The following NUP58 variants were observed in gnomAD, a reference collection of about 807,000 sequenced individuals.
The protein encoded by NUP58 is nucleoporin 58, also known as nucleoporin p58/p45.
In NUP58, 17 loss-of-function variants were observed where a neutral mutation model predicts 70.1. The observed-to-expected ratio is 0.24, with a 90% CI of 0.17 to 0.36. The LOEUF is 0.36. Among genes scored for constraint, NUP58 ranks in the 10% least tolerant of loss-of-function variants. NUP58 has a pLI of 1.00. For missense variants in NUP58, 644 were observed against 701.5 expected (o/e 0.92, Z 0.93); for synonymous variants, 275 against 257.6 (o/e 1.07, Z -0.65).
In NUP58 at chr13:25,339,951, TCCCTAAACA is replaced by T; in HGVS notation, c.1631-13_1631-5del. On this transcript the variant is annotated splice_region_variant and splice_polypyrimidine_tract_variant and intron_variant, in intron 15 of 15. Transcript: ENST00000381736. ...TCAACTTCTGATATGAATATTTTTT[TCCCTAAACA>T]TAAGGCTTTGGCAGCTCAAGTACAT... The T allele has an allele frequency of 6.4e-7, 1 of 1,550,416 alleles. No homozygotes were observed. The highest frequency in any genetic ancestry group is 8.7e-7 in the Non-Finnish European group (1 of 1,153,276).
intron 3 of NUP58, among the ~76,000 whole-genome samples, chr13:25,310,689 A>G (rs1463194080): frequency 6.6e-6 from 1 of 152,044 alleles, no homozygotes; most frequent in Non-Finnish European, 1.5e-5. Flanking sequence ...TTGTAACCCC[A>G]TACGTGATTT....
intron 1 of NUP58, among the ~76,000 whole-genome samples, 189 bp from the exon 2 acceptor site, chr13:25,307,617 A>T (rs2137719918): frequency 6.6e-6 from 1 of 152,294 alleles, no homozygotes; most frequent in South Asian, 2.1e-4. Context: ...GAACAGAAAC[A>T]TATTTGAACT....
rs767697735 is a variant in NUP58 at position 25,327,413 on chromosome 13, G to A, written c.1151-17G>A. ...TATATGTATATATTTGGGTGATAAT[G>A]TAATTTTCTTTTATAGATTTGTCAA... On this transcript the variant is annotated splice_polypyrimidine_tract_variant and intron_variant, in intron 11 of 15. Coordinates refer to ENST00000381736, the MANE Select transcript of NUP58 (RefSeq NM_014089.4). The A allele has an allele frequency of 1.3e-6, 2 of 1,518,350 alleles. No individual in the cohort carries two copies. Among genetic ancestry groups the A allele is most frequent in the Non-Finnish European group, 1.8e-6 (2 of 1,097,440 alleles). 94.1% of individuals were successfully genotyped at this position (1,518,350 alleles called of 1,614,324 possible). A position where few individuals can be genotyped will look rare whatever the true frequency, so the allele number is the denominator to read the frequency against.
chr13:25,343,259 A>G (rs1304194363), downstream of NUP58, among the ~76,000 whole-genome samples: 2 of 151,604 alleles, frequency 1.3e-5, no homozygotes, highest in African/African-American at 4.8e-5. Flanking sequence ...CACTTAGAGA[A>G]CATAGGATGT....
At chr13:25,326,642 T>C (rs911510443) in intron 10 of NUP58, among the ~76,000 whole-genome samples, 1 of 152,308 alleles carries the variant, frequency 6.6e-6, no homozygotes, top group Non-Finnish European at 1.5e-5. Flanking sequence ...GAAACTAAAA[T>C]TGTTACAATA....
At chr13:25,315,810 A>G (rs1373824745) in intron 6 of NUP58, among the ~76,000 whole-genome samples, 3 of 152,182 alleles carry the variant, frequency 2.0e-5, no homozygotes, top group Non-Finnish European at 4.4e-5. Context: ...GGGAAGTAAA[A>G]CACTGGGCAT....
In NUP58 at chr13:25,331,385, G is replaced by A. The variant is rs1253026599; in HGVS notation, c.1262G>A (p.Arg421Lys). The change falls in exon 13 of 16, where the codon AGG becomes AAG. Residue 421 changes from arginine (R) to lysine (K), a missense_variant. Transcript: ENST00000381736. Reference sequence around the variant, plus strand: ...CTGAAAGAACAGTACCTTGGCTACAGGAAAATGTTCTTGGGAGATGCTGTT... The same window carrying A: ...CTGAAAGAACAGTACCTTGGCTACAAGAAAATGTTCTTGGGAGATGCTGTT... The part of the protein sequence containing the change: ...KVLKEQYLGY[R>K]KMFLGDAVDV... The A allele has an allele frequency of 6.2e-7, 1 of 1,614,000 alleles. No individual in the cohort carries two copies. Among genetic ancestry groups the A allele is most frequent in the East Asian group, 2.2e-5 (1 of 44,886 alleles).
intron 3 of NUP58, among the ~76,000 whole-genome samples, chr13:25,309,741 G>T (rs2030557971): frequency 6.6e-6 from 1 of 152,130 alleles, no homozygotes; most frequent in Admixed American, 6.6e-5. Flanking sequence ...AAGGGAATGT[G>T]AATAACTAGG....
chr13:25,335,644 G>A, intron 13 of NUP58: 1 of 984,912 alleles, frequency 1.0e-6, no homozygotes, highest in East Asian at 1.1e-4. Flanking sequence ...TTGTTTTCTG[G>A]GTTAGAAGCT....
chr13:25,330,591 G>A (rs2031566865), intron 12 of NUP58, among the ~76,000 whole-genome samples: 1 of 152,162 alleles, frequency 6.6e-6, no homozygotes, highest in African/African-American at 2.4e-5. Flanking sequence ...TTCAATGAAA[G>A]CATAAAATAA....
chr13:25,349,764 T>C (rs958467530), exon 4 of NUP58: 8 of 152,304 alleles, frequency 5.3e-5, no homozygotes, highest in African/African-American at 1.9e-4. Context: ...TGTTTAGAAT[T>C]AAGGAAATAA....
At chr13:25,320,782 C>A (rs1180352533) in intron 8 of NUP58, 137 bp from the exon 9 acceptor site, 2 of 734,422 alleles carry the variant, frequency 2.7e-6, no homozygotes, top group South Asian at 4.4e-5. Flanking sequence ...AACTTCCATT[C>A]TGTAAAAAAG....
chr13:25,319,194 G>A, intron 6 of NUP58, 132 bp from the exon 7 acceptor site: 2 of 848,694 alleles, frequency 2.4e-6, no homozygotes, highest in Non-Finnish European at 3.9e-6. Context: ...ATCACATGAT[G>A]TTTATGAGGC....
At position 25,341,351 on chromosome 13, in the gene NUP58, A is replaced by G. The variant is rs1566074842; in HGVS notation, c.*1217A>G. 3 of 152,542 alleles carry G rather than the reference A, an allele frequency of 2.0e-5. No individual in the cohort carries two copies. The highest frequency in any genetic ancestry group is 2.1e-4 in the South Asian group (1 of 4,818). The allele number at this position is 152,542 out of a possible 1,614,324, so 9.4% of individuals were successfully genotyped here. ...GACTGGTGTTCTGGGGCAAAGAGCT[A>G]TTAGCCAAACTGATTCTATGCAGGT... On this transcript the variant is annotated 3_prime_UTR_variant, in exon 16 of 16. Coordinates refer to ENST00000381736, the MANE Select transcript of NUP58 (RefSeq NM_014089.4).
At chr13:25,349,220 G>A (rs187203044) in intron 3 of NUP58, among the ~76,000 whole-genome samples, 12 of 152,166 alleles carry the variant, frequency 7.9e-5, no homozygotes, top group Non-Finnish European at 1.6e-4. Flanking sequence ...TTTTGCTTAC[G>A]GTCTAACCAG....
At chr13:25,305,496 G>C (rs1210346199) in intron 1 of NUP58, among the ~76,000 whole-genome samples, 11 of 151,978 alleles carry the variant, frequency 7.2e-5, no homozygotes, top group Non-Finnish European at 1.5e-4. Context: ...TTGTTAGCGA[G>C]AGCTTACCGC....
chr13:25,318,485 G>A (rs780144504), intron 6 of NUP58, among the ~76,000 whole-genome samples: 1 of 152,058 alleles, frequency 6.6e-6, no homozygotes, highest in Admixed American at 6.6e-5. Context: ...TCTTACAAGA[G>A]TCTAATATTA....
downstream of NUP58, among the ~76,000 whole-genome samples, chr13:25,343,788 G>A (rs1206249733): frequency 1.4e-5 from 2 of 142,170 alleles, no homozygotes; most frequent in African/African-American, 5.2e-5. Context: ...TGGCTGTGTA[G>A]TATTCCACAT....
intron 1 of NUP58, among the ~76,000 whole-genome samples, chr13:25,304,003 A>G (rs2030165546): frequency 2.0e-5 from 3 of 152,216 alleles, no homozygotes; most frequent in African/African-American, 7.2e-5. Flanking sequence ...GACAGCCCCT[A>G]GTGCCACCTA....
Sources: allele counts gnomAD v4.1 joint callset (sites outside exome capture counted in the v4.1 genomes callset), GRCh38; gene constraint gnomAD v4.1.1; transcripts MANE v1.5; gene names NCBI Gene and HGNC (gene_info 2026-07-23, HGNC 2026-07-21).